Variants in NCAM2 observed in about 807,000 individuals in gnomAD.
NCAM2 encodes the protein neural cell adhesion molecule 2.
In NCAM2, 30 loss-of-function variants were observed where a neutral mutation model predicts 98.1. The observed-to-expected ratio is 0.31, with a 90% CI of 0.23 to 0.41. The LOEUF (loss-of-function observed/expected upper bound fraction) is 0.41, where lower values mean the gene tolerates loss of function less well. Among genes scored for constraint, NCAM2 ranks in the 10% least tolerant of loss-of-function variants. The pLI is 1.00. For synonymous variants in NCAM2, 368 were observed against 342.4 expected (o/e 1.07, Z -0.83); for missense variants, 867 against 1,005.8 (o/e 0.86, Z 1.87).
intron 8 of NCAM2, among the ~76,000 whole-genome samples, chr21:21,359,741 C>A (rs919935294): frequency 4.6e-5 from 7 of 151,856 alleles, no homozygotes; most frequent in Non-Finnish European, 8.8e-5. Context: ...TTAGCATTTA[C>A]ATCTGCTTAT....
At chr21:21,480,322 G>C (rs983258126) in intron 15 of NCAM2, among the ~76,000 whole-genome samples, 1 of 144,828 alleles carries the variant, frequency 6.9e-6, no homozygotes, top group Non-Finnish European at 1.5e-5. Flanking sequence ...AGCCGAGATG[G>C]CGCCACTGCA....
chr21:21,255,179 C>A (rs1340808311), intron 1 of NCAM2, among the ~76,000 whole-genome samples: 1 of 152,076 alleles, frequency 6.6e-6, no homozygotes, highest in Admixed American at 6.5e-5. Context: ...TCTTGTAGGA[C>A]TGTCTGTGGT....
chr21:21,020,438 T>A (rs868685404), intron 1 of NCAM2, among the ~76,000 whole-genome samples: 12 of 152,312 alleles, frequency 7.9e-5, no homozygotes, highest in South Asian at 2.1e-4. Flanking sequence ...TGGTGGAAGC[T>A]TATTGTTGTT....
chr21:21,242,815 A>T (rs2071117815), intron 1 of NCAM2, among the ~76,000 whole-genome samples: 1 of 152,160 alleles, frequency 6.6e-6, no homozygotes, highest in South Asian at 2.1e-4. Flanking sequence ...GCATCATGTT[A>T]TCCATTTCTT....
intron 8 of NCAM2, among the ~76,000 whole-genome samples, chr21:21,346,471 T>A (rs958583886): frequency 3.3e-5 from 5 of 152,028 alleles, no homozygotes; most frequent in African/African-American, 1.2e-4. Flanking sequence ...ATTGGACAAA[T>A]GTTTCAGACA....
At chr21:21,168,515 C>A (rs1341498749) in intron 1 of NCAM2, among the ~76,000 whole-genome samples, 2 of 152,070 alleles carry the variant, frequency 1.3e-5, no homozygotes, top group Non-Finnish European at 2.9e-5. Flanking sequence ...TCTTTCTTCA[C>A]AGATGACAGG....
chr21:21,336,897 A>T (rs1283018082), intron 7 of NCAM2, among the ~76,000 whole-genome samples: 1 of 152,204 alleles, frequency 6.6e-6, no homozygotes, highest in Non-Finnish European at 1.5e-5. Flanking sequence ...GTTATTCAGC[A>T]GGATAATGTT....
intron 9 of NCAM2, among the ~76,000 whole-genome samples, chr21:21,403,872 A>T (rs146273400): frequency 6.6e-6 from 1 of 152,192 alleles, no homozygotes; most frequent in Non-Finnish European, 1.5e-5. Context: ...TTATTGTAGC[A>T]TTGAAATATG....
chr21:21,019,804 G>T (rs889033640), intron 1 of NCAM2, among the ~76,000 whole-genome samples: 22 of 152,060 alleles, frequency 1.4e-4, no homozygotes, highest in African/African-American at 5.3e-4. Flanking sequence ...TTCAGTTTTC[G>T]CATACTTCGC....
intron 9 of NCAM2, among the ~76,000 whole-genome samples, chr21:21,383,296 G>T (rs1254046455): frequency 6.6e-6 from 1 of 152,152 alleles, no homozygotes; most frequent in Non-Finnish European, 1.5e-5. Context: ...TGTGCGTGCA[G>T]AGCTAGGGCA....
chr21:21,230,992 G>C (rs1325079656), intron 1 of NCAM2, among the ~76,000 whole-genome samples: 3 of 151,246 alleles, frequency 2.0e-5, no homozygotes. Flanking sequence ...GTATTTCCGA[G>C]GACATTACTC....
intron 8 of NCAM2, among the ~76,000 whole-genome samples, chr21:21,358,313 C>G (rs536189189): frequency 5.3e-5 from 8 of 152,164 alleles, no homozygotes; most frequent in African/African-American, 1.9e-4. Flanking sequence ...GCCTCACTCC[C>G]TAAGATATAA....
At chr21:21,331,513 C>CTATA (rs1400140050) in intron 6 of NCAM2, among the ~76,000 whole-genome samples, 3 of 5,776 alleles carry the variant, frequency 5.2e-4, no homozygotes, top group Non-Finnish European at 1.1e-3. Context: ...TATACTCTCT[C>CTATA]TCTCTATATA....
chr21:21,388,977 C>T (rs1415638437), intron 9 of NCAM2, among the ~76,000 whole-genome samples: 8 of 152,120 alleles, frequency 5.3e-5, no homozygotes, highest in Non-Finnish European at 1.2e-4. Context: ...GGGATCCATG[C>T]TACATTCTAA....
At chr21:21,354,339 C>T (rs144749633) in intron 8 of NCAM2, among the ~76,000 whole-genome samples, 223 of 152,166 alleles carry the variant, frequency 1.5e-3, no homozygotes, top group African/African-American at 5.2e-3. Flanking sequence ...ATTTGATAAC[C>T]AGCTTCATCT....
intron 16 of NCAM2, among the ~76,000 whole-genome samples, chr21:21,515,770 C>G (rs891898695): frequency 6.6e-6 from 1 of 152,062 alleles, no homozygotes; most frequent in Admixed American, 6.6e-5. Context: ...ACAGCTTAAA[C>G]CCGTGTAAAG....
intron 1 of NCAM2, among the ~76,000 whole-genome samples, chr21:21,254,999 T>A (rs74311305): frequency 1.3e-5 from 2 of 151,744 alleles, no homozygotes; most frequent in East Asian, 3.9e-4. Context: ...TATATAATAC[T>A]GAACGTTATC....
chr21:21,187,730 C>T (rs1433704393), intron 1 of NCAM2, among the ~76,000 whole-genome samples: 5 of 152,130 alleles, frequency 3.3e-5, no homozygotes, highest in African/African-American at 7.2e-5. Flanking sequence ...ATTACACCAT[C>T]CCAGTTTGTA....
chr21:21,477,185 C>A, intron 14 of NCAM2, 106 bp from the exon 15 acceptor site: 1 of 812,506 alleles, frequency 1.2e-6, no homozygotes, highest in Non-Finnish European at 1.8e-6. Context: ...AAAATTGTTC[C>A]AATATCCAAT....
Sources: gnomAD v4.1 joint callset for allele counts (sites outside exome capture counted in the v4.1 genomes callset) on GRCh38, gnomAD v4.1.1 for gene constraint, MANE v1.5 for transcripts, NCBI Gene and HGNC (gene_info 2026-07-23, HGNC 2026-07-21) for gene names.